Variants in GRM1 observed in about 807,000 individuals in gnomAD.
GRM1 encodes the protein metabotropic glutamate receptor 1.
GRM1 carries 33 observed loss-of-function variants against 90.9 expected under a neutral mutation model. The ratio of observed to expected loss-of-function variants is 0.36; its 90% CI spans 0.28 to 0.49. The LOEUF is 0.49. Among genes scored for constraint, GRM1 ranks in the 20% least tolerant of loss-of-function variants. The pLI is 0.99. For synonymous variants in GRM1, 700 were observed against 613.2 expected, an observed-to-expected ratio of 1.14 and a Z score of -2.09; for missense variants, 1,190 against 1,534.3, an observed-to-expected ratio of 0.78 and a Z score of 3.75.
At chr6:146,308,889 T>C (rs907493454) in intron 3 of GRM1, among the ~76,000 whole-genome samples, 5 of 152,160 alleles carry the variant, frequency 3.3e-5, no homozygotes, top group Admixed American at 1.3e-4. Flanking sequence ...AATTCTTTTA[T>C]TCTTAATGGC....
At chr6:146,081,423 A>G (rs979202214) in intron 1 of GRM1, among the ~76,000 whole-genome samples, 3 of 152,226 alleles carry the variant, frequency 2.0e-5, no homozygotes, top group Non-Finnish European at 2.9e-5. Flanking sequence ...TGAATTAGTA[A>G]TAGCTAGGGG....
chr6:146,044,936 A>G (rs1163796562), intron 1 of GRM1, among the ~76,000 whole-genome samples: 1 of 151,898 alleles, frequency 6.6e-6, no homozygotes, highest in Non-Finnish European at 1.5e-5. Flanking sequence ...GGGGAGCTTC[A>G]ATTACAGATT....
chr6:146,408,063 T>C (rs76097053), intron 7 of GRM1, among the ~76,000 whole-genome samples: 1,941 of 152,218 alleles, frequency 0.013, 46 homozygotes, highest in African/African-American at 0.045. Flanking sequence ...AGTCCTAGAT[T>C]AGGGTGCTAG....
At position 146,386,841 on chromosome 6, in the gene GRM1, C is replaced by G. The variant is rs766857589; in HGVS notation, c.1603-49C>G. ...AACAAATCCTCATCTGAAATAGAAG[C>G]TTTTCTGGGAAAACTATCTTTAAAA... On this transcript the variant is annotated intron_variant, in intron 5 of 7. Coordinates refer to ENST00000282753, the MANE Select transcript of GRM1 (RefSeq NM_001278064.2). The G allele has an allele frequency of 6.1e-6, 9 of 1,485,652 alleles. No homozygotes were observed. In the East Asian group the frequency reaches 9.1e-5, roughly 15 times the overall value. The allele number at this position is 1,485,652 out of a possible 1,614,324, so 92.0% of individuals were successfully genotyped here. A position where few individuals can be genotyped will look rare whatever the true frequency, so the allele number is the denominator to read the frequency against.
intron 2 of GRM1, among the ~76,000 whole-genome samples, chr6:146,270,073 G>A (rs530733290): frequency 6.6e-6 from 1 of 152,132 alleles, no homozygotes; most frequent in South Asian, 2.1e-4. Context: ...GTATATTAAG[G>A]TTTTATGTTT....
At chr6:146,057,533 T>G (rs1387107289) in intron 1 of GRM1, among the ~76,000 whole-genome samples, 1 of 152,112 alleles carries the variant, frequency 6.6e-6, no homozygotes, top group African/African-American at 2.4e-5. Flanking sequence ...TGAAAGTGCT[T>G]TGCAAAAACA....
At chr6:146,106,176 C>G (rs891044041) in intron 1 of GRM1, among the ~76,000 whole-genome samples, 1 of 152,098 alleles carries the variant, frequency 6.6e-6, no homozygotes, top group Non-Finnish European at 1.5e-5. Flanking sequence ...GGAATTATCT[C>G]TTTTGTAAAA....
chr6:146,347,609 C>A (rs951341130), intron 3 of GRM1, among the ~76,000 whole-genome samples: 1 of 152,056 alleles, frequency 6.6e-6, no homozygotes, highest in Non-Finnish European at 1.5e-5. Context: ...AAATCAAACA[C>A]ATGGATTCTG....
chr6:146,162,038 C>A (rs913172550), intron 2 of GRM1, among the ~76,000 whole-genome samples: 1 of 152,164 alleles, frequency 6.6e-6, no homozygotes, highest in Non-Finnish European at 1.5e-5. Context: ...CTCATGTCAG[C>A]AGACATGTCC....
At chr6:146,269,971 A>T (rs1782051556) in intron 2 of GRM1, among the ~76,000 whole-genome samples, 1 of 152,164 alleles carries the variant, frequency 6.6e-6, no homozygotes. Flanking sequence ...TTAAATAAAA[A>T]AAAAAAACAA....
rs960384 is a variant in GRM1 at position 146,049,994 on chromosome 6, C to A, written c.700+19777C>A. 2.7e-3 allele frequency among the ~76,000 whole-genome samples: 414 copies of A among 152,060 alleles called. 2 individuals carry two copies. The highest frequency in any genetic ancestry group is 3.8e-3 in the Non-Finnish European group (260 of 67,948). ...CCAAAGGCTTAGTGTCTGATTACTA[C>A]GTATAATCTCCTGTATAAGGAGACA... On this transcript the variant is annotated intron_variant, in intron 1 of 7. Transcript: ENST00000282753.
chr6:146,387,259 G>A (rs1583424779), intron 6 of GRM1, among the ~76,000 whole-genome samples: 1 of 152,080 alleles, frequency 6.6e-6, no homozygotes, highest in African/African-American at 2.4e-5. Context: ...CTATTATAGA[G>A]TTGTTTTCTG....
At chr6:146,099,168 T>G (rs1180648043) in intron 1 of GRM1, among the ~76,000 whole-genome samples, 3 of 152,098 alleles carry the variant, frequency 2.0e-5, no homozygotes, top group Non-Finnish European at 4.4e-5. Context: ...GGTGGATCAC[T>G]TTGAGCTCAG....
intron 3 of GRM1, among the ~76,000 whole-genome samples, chr6:146,321,072 G>A (rs1784170738): frequency 6.6e-6 from 1 of 151,870 alleles, no homozygotes; most frequent in Non-Finnish European, 1.5e-5. Flanking sequence ...TTACGGTATT[G>A]ATTTTATATC....
rs550137030 is a variant in GRM1, at chr6:146,437,287, A to G, written c.*2491A>G. ...ACAACTTATATTCAAGTGTAAGATG[A>G]TATCAGGTTGGTCTAAGACTTTTGG... is the stretch of plus-strand genomic sequence containing the variant. On this transcript the variant is annotated 3_prime_UTR_variant, in exon 8 of 8. Coordinates refer to ENST00000282753, the MANE Select transcript of GRM1 (RefSeq NM_001278064.2). The G allele has an allele frequency of 1.3e-5, 2 of 152,590 alleles. No individual in the cohort carries two copies. Among genetic ancestry groups the G allele is most frequent in the Admixed American group, 6.5e-5 (1 of 15,304 alleles). The allele number at this position is 152,590 out of a possible 1,614,324, so 9.5% of individuals were successfully genotyped here. A position where few individuals can be genotyped will look rare whatever the true frequency, so the allele number is the denominator to read the frequency against.
chr6:146,187,631 A>G (rs1318134710), intron 2 of GRM1, among the ~76,000 whole-genome samples: 3 of 152,072 alleles, frequency 2.0e-5, no homozygotes, highest in Non-Finnish European at 4.4e-5. Context: ...TTTCACGGAC[A>G]ACAACAAAAA....
chr6:146,363,938 C>T (rs1394238661), intron 5 of GRM1, among the ~76,000 whole-genome samples: 12 of 152,160 alleles, frequency 7.9e-5, no homozygotes, highest in Non-Finnish European at 1.8e-4. Flanking sequence ...TTCTCACTGG[C>T]AGTGGTTGGA....
intron 2 of GRM1, among the ~76,000 whole-genome samples, chr6:146,287,352 T>C (rs966688564): frequency 2.0e-5 from 3 of 152,182 alleles, no homozygotes; most frequent in African/African-American, 7.2e-5. Flanking sequence ...TCCTTTTTCG[T>C]ATTGCATTTA....
In GRM1 at chr6:146,434,879, G is replaced by C; in HGVS notation, c.*83G>C. The C allele has an allele frequency of 8.1e-7, 1 of 1,238,946 alleles. No homozygotes were observed. Among genetic ancestry groups the C allele is most frequent in the Non-Finnish European group, 1.2e-6 (1 of 857,904 alleles). The allele number at this position is 1,238,946 out of a possible 1,614,324, so 76.7% of individuals were successfully genotyped here. On this transcript the variant is annotated 3_prime_UTR_variant, in exon 8 of 8. Transcript: ENST00000282753. ...GATGTGCAAACAGCTGGGAGGAAAA[G>C]CCTGGGAGTGGGGGGCCTCGTCGGG...
Sources: allele counts gnomAD v4.1 joint callset (sites outside exome capture counted in the v4.1 genomes callset), GRCh38; gene constraint gnomAD v4.1.1; transcripts MANE v1.5; gene names NCBI Gene and HGNC (gene_info 2026-07-23, HGNC 2026-07-21).